Variants in PCDHGA2 observed in about 807,000 individuals in gnomAD.
PCDHGA2 encodes protocadherin gamma-A2.
A neutral mutation model predicts 59.2 loss-of-function variants in PCDHGA2; 40 were observed. The observed-to-expected ratio is 0.68, with a 90% CI of 0.52 to 0.88. The LOEUF (loss-of-function observed/expected upper bound fraction) is 0.88, where lower values mean the gene tolerates loss of function less well. PCDHGA2 is among the 40% of genes least tolerant of loss of function. The probability of loss-of-function intolerance (pLI) is 0.00; values close to 1 mark genes in which losing one functional copy is unlikely to be tolerated. For missense variants in PCDHGA2, 1,226 were observed against 1,204.0 expected, an observed-to-expected ratio of 1.02 and a Z score of -0.27; for synonymous variants, 560 against 526.0, an observed-to-expected ratio of 1.06 and a Z score of -0.89.
At chr5:141,469,792 A>G (rs989190786) in intron 1 of PCDHGA2, among the ~76,000 whole-genome samples, 1 of 152,194 alleles carries the variant, frequency 6.6e-6, no homozygotes, top group African/African-American at 2.4e-5. Flanking sequence ...GTTATTTGTA[A>G]TTGCAAAAAC....
chr5:141,371,840 A>T, intron 1 of PCDHGA2: 1 of 1,613,642 alleles, frequency 6.2e-7, no homozygotes, highest in African/African-American at 1.3e-5. Flanking sequence ...CCGACTTGGG[A>T]CCTAATGGCC....
chr5:141,374,729 G>A, intron 1 of PCDHGA2: 2 of 1,610,396 alleles, frequency 1.2e-6, no homozygotes, highest in African/African-American at 2.7e-5. Context: ...TACTGCCATG[G>A]ATGGCGGCGA....
At chr5:141,495,910 A>C (rs2154591812) in intron 2 of PCDHGA2, among the ~76,000 whole-genome samples, 1 of 151,278 alleles carries the variant, frequency 6.6e-6, no homozygotes, top group East Asian at 1.9e-4. Flanking sequence ...GTCTCTGTAT[A>C]TCTTTCTTTG....
intron 1 of PCDHGA2, chr5:141,426,796 T>C (rs1053668481): frequency 8.8e-6 from 4 of 456,720 alleles, no homozygotes. Context: ...AGTTACCAGC[T>C]CAGTTCTAAT....
chr5:141,384,850 C>A, intron 1 of PCDHGA2: 1 of 1,613,646 alleles, frequency 6.2e-7, no homozygotes, highest in African/African-American at 1.3e-5. Context: ...GGACCACGGT[C>A]AGCCTCCTCT....
rs199973289 is a variant in PCDHGA2, at chr5:141,393,414, G to A, written c.2424+52019G>A. On this transcript the variant is annotated intron_variant, in intron 1 of 3. Transcript: ENST00000394576. ...AGAGCTGGTGCTGGAGCGCGCCCTG[G>A]ACAGGGAGGAAGAGGCTGCTCACCA... 7 of 1,614,038 alleles carry A rather than the reference G, an allele frequency of 4.3e-6. No individual in the cohort carries two copies. In the East Asian group the frequency reaches 1.3e-4, roughly 31 times the overall value.
chr5:141,344,113 G>C, intron 1 of PCDHGA2: 1 of 1,614,034 alleles, frequency 6.2e-7, no homozygotes. Context: ...TGCGAAACAG[G>C]ATCCGGTCAG....
chr5:141,419,566 C>T (rs765992004), intron 1 of PCDHGA2: 4 of 1,611,790 alleles, frequency 2.5e-6, no homozygotes, highest in East Asian at 2.2e-5. Flanking sequence ...CGCTGGGTCC[C>T]GACGGCTCCG....
Position 141,340,679 on chromosome 5 carries a change from G to C in PCDHGA2, c.1708G>C (p.Asp570His). Residue 570 changes from aspartate (D) to histidine (H), a missense_variant, in exon 1 of 4, where the codon GAC becomes CAC. Physicochemically the swap from Asp to His is moderately conservative, Grantham distance 81. Transcript: ENST00000394576. The part of the protein sequence containing the change: ...PEILYPAFPT[D>H]GSTGVELAPR... Reference sequence around the variant, plus strand: ...GATCCTGTACCCTGCCTTCCCCACAGACGGTTCCACTGGCGTGGAGCTGGC... The same window carrying C: ...GATCCTGTACCCTGCCTTCCCCACACACGGTTCCACTGGCGTGGAGCTGGC... 2 of 1,614,224 alleles carry C rather than the reference G, an allele frequency of 1.2e-6. No individual in the cohort carries two copies. Among genetic ancestry groups the C allele is most frequent in the Non-Finnish European group, 1.7e-6 (2 of 1,180,044 alleles).
chr5:141,373,773 T>C (rs1429903746), intron 1 of PCDHGA2: 1 of 264,200 alleles, frequency 3.8e-6, no homozygotes, highest in Non-Finnish European at 7.1e-6. Context: ...GTGTCATCTC[T>C]GCAGATTTAG....
intron 1 of PCDHGA2, chr5:141,422,314 C>T: frequency 6.5e-7 from 1 of 1,547,838 alleles, no homozygotes; most frequent in Non-Finnish European, 8.7e-7. Context: ...AAACTCTCCT[C>T]CAGGTACAGT....
intron 1 of PCDHGA2, chr5:141,371,564 C>A (rs1767846992): frequency 6.2e-7 from 1 of 1,613,816 alleles, no homozygotes; most frequent in Admixed American, 1.7e-5. Flanking sequence ...AAGGAAACTT[C>A]CCCTTTAAAA....
At chr5:141,459,165 C>T (rs1418626354) in intron 1 of PCDHGA2, among the ~76,000 whole-genome samples, 2 of 152,130 alleles carry the variant, frequency 1.3e-5, no homozygotes, top group African/African-American at 4.8e-5. Context: ...ATTTCTATAA[C>T]CTTCAAAAGT....
chr5:141,356,361 A>G, intron 1 of PCDHGA2: 1 of 1,558,136 alleles, frequency 6.4e-7, no homozygotes, highest in Non-Finnish European at 8.7e-7. Flanking sequence ...GTTCTATTCC[A>G]GATAATCTGC....
chr5:141,371,771 G>T, intron 1 of PCDHGA2: 1 of 1,613,966 alleles, frequency 6.2e-7, no homozygotes, highest in Non-Finnish European at 8.5e-7. Flanking sequence ...CCTACACCGT[G>T]CATGTAGCTG....
At chr5:141,449,101 G>T (rs1020443363) in intron 1 of PCDHGA2, among the ~76,000 whole-genome samples, 3 of 152,144 alleles carry the variant, frequency 2.0e-5, no homozygotes, top group Non-Finnish European at 4.4e-5. Flanking sequence ...TACATATGCA[G>T]TATATCTTTG....
chr5:141,364,491 T>G, intron 1 of PCDHGA2: 1 of 1,614,022 alleles, frequency 6.2e-7, no homozygotes. Context: ...GACCTTGGGC[T>G]GGAGCCCCAG....
chr5:141,371,469 G>T, intron 1 of PCDHGA2: 1 of 1,613,990 alleles, frequency 6.2e-7, no homozygotes, highest in Non-Finnish European at 8.5e-7. Flanking sequence ...TATACAAGAA[G>T]ATGCTGAGCT....
chr5:141,408,277 C>T (rs367948897), intron 1 of PCDHGA2: 2 of 1,611,980 alleles, frequency 1.2e-6, no homozygotes, highest in African/African-American at 1.3e-5. Context: ...TGCCTTTGTT[C>T]TACCCCACCC....
Sources: allele counts gnomAD v4.1 joint callset (sites outside exome capture counted in the v4.1 genomes callset), GRCh38; gene constraint gnomAD v4.1.1; transcripts MANE v1.5; gene names NCBI Gene and HGNC (gene_info 2026-07-23, HGNC 2026-07-21).